The following CTXND1 variants were observed in gnomAD, a reference collection of about 807,000 sequenced individuals.
The protein encoded by CTXND1 is cortexin domain-containing 1 protein.
chr15:80,217,767 G>A (rs772873841), intron 1 of CTXND1, among the ~76,000 whole-genome samples: 95 of 152,042 alleles, frequency 6.2e-4, no homozygotes, highest in Admixed American at 1.9e-3. Context: ...GGCTGGTCTC[G>A]AACTCCTGAG....
intron 1 of CTXND1, among the ~76,000 whole-genome samples, chr15:80,242,396 G>C (rs2141464573): frequency 6.6e-6 from 1 of 152,376 alleles, no homozygotes; most frequent in South Asian, 2.1e-4. Context: ...TGGGCAGGAA[G>C]GGGAGGCAGA....
intron 1 of CTXND1, among the ~76,000 whole-genome samples, chr15:80,212,252 C>A (rs1257400546): frequency 6.6e-6 from 1 of 152,196 alleles, no homozygotes; most frequent in Admixed American, 6.5e-5. Flanking sequence ...CTCCTAGGAG[C>A]CCTTCCCAAA....
chr15:80,206,509 C>T (rs1265626718), intron 1 of CTXND1, among the ~76,000 whole-genome samples: 1 of 152,080 alleles, frequency 6.6e-6, no homozygotes, highest in Non-Finnish European at 1.5e-5. Context: ...AGTAAATATA[C>T]TCATTTTATT....
rs998743388 is a variant in CTXND1, at chr15:80,196,388, A to C, written c.*5382T>G. ...ATGAAGATTTGGGTCATTCCACCAGATAAAATTCTCCAACAGCTAAGGGAC... is the reference window on the plus strand; with the variant it reads ...ATGAAGATTTGGGTCATTCCACCAGCTAAAATTCTCCAACAGCTAAGGGAC... On this transcript the variant is annotated 3_prime_UTR_variant, in exon 3 of 3. Transcript: ENST00000560778. 1.3e-5 allele frequency: 2 copies of C among 152,236 alleles called. No individual in the cohort carries two copies. The highest frequency in any genetic ancestry group is 4.1e-4 in the South Asian group (2 of 4,832). 9.4% of individuals were successfully genotyped at this position (152,236 alleles called of 1,614,324 possible).
chr15:80,238,937 G>C (rs1034986279), intron 1 of CTXND1, among the ~76,000 whole-genome samples: 1 of 152,236 alleles, frequency 6.6e-6, no homozygotes, highest in African/African-American at 2.4e-5. Flanking sequence ...CACATGCTAT[G>C]ATGTTCACAT....
chr15:80,239,800 C>G (rs1388692485), intron 1 of CTXND1, among the ~76,000 whole-genome samples: 2 of 152,186 alleles, frequency 1.3e-5, no homozygotes, highest in Non-Finnish European at 2.9e-5. Flanking sequence ...TCACCATGCT[C>G]AGGCTCACTC....
intron 1 of CTXND1, among the ~76,000 whole-genome samples, chr15:80,233,131 G>C (rs189927264): frequency 6.6e-6 from 1 of 151,790 alleles, no homozygotes; most frequent in Non-Finnish European, 1.5e-5. Flanking sequence ...TAGTAGAGAC[G>C]GGTTTCACCC....
intron 1 of CTXND1, among the ~76,000 whole-genome samples, chr15:80,237,397 G>C (rs1041053918): frequency 4.0e-5 from 6 of 151,618 alleles, no homozygotes; most frequent in Non-Finnish European, 7.4e-5. Flanking sequence ...ATAGCTTCAG[G>C]CAGGTCCTTC....
chr15:80,221,529 G>A (rs1367888521), intron 1 of CTXND1, among the ~76,000 whole-genome samples: 1 of 152,140 alleles, frequency 6.6e-6, no homozygotes, highest in Non-Finnish European at 1.5e-5. Context: ...GCTGCAGTGA[G>A]GTATGATAGC....
chr15:80,237,939 G>A (rs1210898505), intron 1 of CTXND1, among the ~76,000 whole-genome samples: 2 of 144,376 alleles, frequency 1.4e-5, no homozygotes, highest in Non-Finnish European at 1.5e-5. Flanking sequence ...AACCCAGGAG[G>A]TGGATGTTGC....
chr15:80,250,494 T>A (rs1413119368), intron 1 of CTXND1, among the ~76,000 whole-genome samples: 1 of 152,254 alleles, frequency 6.6e-6, no homozygotes, highest in Non-Finnish European at 1.5e-5. Context: ...CTCTATGCAT[T>A]CATTACTTGC....
intron 1 of CTXND1, among the ~76,000 whole-genome samples, chr15:80,220,912 A>ATTT (rs68162303): frequency 1.4e-5 from 2 of 141,614 alleles, no homozygotes; most frequent in Non-Finnish European, 3.1e-5. Flanking sequence ...TATTATTATT[A>ATTT]TTTTTTTTTT....
At chr15:80,209,007 T>G (rs1893178417) in intron 1 of CTXND1, among the ~76,000 whole-genome samples, 1 of 152,212 alleles carries the variant, frequency 6.6e-6, no homozygotes, top group African/African-American at 2.4e-5. Flanking sequence ...TTCTGAAATC[T>G]CAGGCTCTGC....
intron 1 of CTXND1, among the ~76,000 whole-genome samples, chr15:80,251,602 GCCGAGGATC>G (rs1359268981): frequency 2.6e-5 from 4 of 152,228 alleles, no homozygotes; most frequent in Non-Finnish European, 5.9e-5. Flanking sequence ...TGGCAGAGAG[GCCGAGGATC>G]CCCGAATGGG....
At chr15:80,224,715 A>T (rs1893354598) in intron 1 of CTXND1, among the ~76,000 whole-genome samples, 1 of 152,020 alleles carries the variant, frequency 6.6e-6, no homozygotes, top group African/African-American at 2.4e-5. Flanking sequence ...ATTTATTTAG[A>T]TTTTTCGTAT....
intron 1 of CTXND1, among the ~76,000 whole-genome samples, chr15:80,251,329 A>G (rs746396382): frequency 1.3e-5 from 2 of 152,214 alleles, no homozygotes; most frequent in Non-Finnish European, 2.9e-5. Context: ...CTGATACGGA[A>G]AAATATATGA....
At position 80,199,315 on chromosome 15, in the gene CTXND1, T is replaced by C. The variant is rs2041436689; in HGVS notation, c.*2455A>G. On this transcript the variant is annotated 3_prime_UTR_variant, in exon 3 of 3. Transcript: ENST00000560778. ...TGAGTTTGGGTTTCTAACAAGCTCC[T>C]CAAGTATTGCAGAGGCTGTTTGTCC... 2 of 152,238 alleles carry C rather than the reference T, an allele frequency of 1.3e-5. No individual in the cohort carries two copies. The highest frequency in any genetic ancestry group is 4.8e-5 in the African/African-American group (2 of 41,456). 9.4% of individuals were successfully genotyped at this position (152,238 alleles called of 1,614,324 possible).
intron 1 of CTXND1, among the ~76,000 whole-genome samples, chr15:80,225,792 T>G (rs1441591889): frequency 6.6e-6 from 1 of 152,250 alleles, no homozygotes; most frequent in Non-Finnish European, 1.5e-5. Context: ...CCTCTGTTCC[T>G]TCATTGCCAT....
intron 1 of CTXND1, among the ~76,000 whole-genome samples, chr15:80,243,053 T>G (rs548231053): frequency 4.5e-4 from 68 of 152,324 alleles, no homozygotes; most frequent in African/African-American, 1.6e-3. Context: ...CTGCCAACCC[T>G]CTGATTCCTT....
Sources: allele counts gnomAD v4.1 joint callset (sites outside exome capture counted in the v4.1 genomes callset), GRCh38; gene constraint gnomAD v4.1.1; transcripts MANE v1.5; gene names NCBI Gene and HGNC (gene_info 2026-07-23, HGNC 2026-07-21).